The following VSTM4 variants were observed in gnomAD, a reference collection of about 807,000 sequenced individuals.
The protein encoded by VSTM4 is V-set and transmembrane domain-containing protein 4.
Under a neutral mutation model 36.4 loss-of-function variants are expected in VSTM4, and 20 were observed. The ratio of observed to expected loss-of-function variants is 0.55; its 90% confidence interval spans 0.39 to 0.80. The LOEUF is 0.80. VSTM4 is among the 30% of genes least tolerant of loss of function. The pLI, the probability that VSTM4 is intolerant of heterozygous loss-of-function variation, is 0.00. For missense variants in VSTM4, 392 were observed against 404.5 expected (o/e 0.97, Z 0.26); for synonymous variants, 182 against 173.9 (o/e 1.05, Z -0.37).
chr10:49,052,984 T>A (rs561205246), intron 5 of VSTM4, among the ~76,000 whole-genome samples: 2 of 152,344 alleles, frequency 1.3e-5, no homozygotes, highest in East Asian at 3.9e-4. Flanking sequence ...GTTTCTCCCC[T>A]TGAGCCAGCA....
intron 1 of VSTM4, among the ~76,000 whole-genome samples, chr10:49,114,299 A>C (rs1265991072): frequency 1.3e-5 from 2 of 151,330 alleles, no homozygotes; most frequent in African/African-American, 2.4e-5. Flanking sequence ...CTATGGATTA[A>C]TGCTGGCTCA....
intron 7 of VSTM4, among the ~76,000 whole-genome samples, chr10:49,023,242 C>T (rs537506814): frequency 3.3e-5 from 5 of 152,204 alleles, no homozygotes; most frequent in Non-Finnish European, 5.9e-5. Flanking sequence ...TAATATCAGT[C>T]CTTGGCATCT....
chr10:49,064,573 G>T (rs1344962032), intron 5 of VSTM4, 130 bp downstream of exon 5: 7 of 1,047,748 alleles, frequency 6.7e-6, no homozygotes, highest in Admixed American at 4.4e-5. Flanking sequence ...ATACACATTT[G>T]CAGGCATATT....
chr10:49,087,322 T>C (rs1844387100), intron 2 of VSTM4, among the ~76,000 whole-genome samples: 1 of 152,244 alleles, frequency 6.6e-6, no homozygotes, highest in Non-Finnish European at 1.5e-5. Context: ...TTTTAATGTC[T>C]ATGCCTGATA....
chr10:49,042,687 A>C (rs2250146), intron 7 of VSTM4, among the ~76,000 whole-genome samples: 119,803 of 152,178 alleles, frequency 0.79, 48,373 homozygotes, highest in Non-Finnish European at 0.9. Flanking sequence ...CTCAACAGGG[A>C]GGGTGTGCAG....
intron 5 of VSTM4, among the ~76,000 whole-genome samples, chr10:49,056,332 C>G (rs571070424): frequency 3.9e-5 from 6 of 152,266 alleles, no homozygotes; most frequent in African/African-American, 1.4e-4. Context: ...TCAGGAGATA[C>G]TTTAGTGGTG....
intron 4 of VSTM4, among the ~76,000 whole-genome samples, chr10:49,067,922 T>C (rs892045051): frequency 7.2e-5 from 11 of 152,168 alleles, no homozygotes; most frequent in African/African-American, 2.7e-4. Context: ...GGAGTAGTAT[T>C]TCCATATAAC....
At chr10:49,026,659 G>T (rs1255241934) in intron 7 of VSTM4, among the ~76,000 whole-genome samples, 4 of 152,170 alleles carry the variant, frequency 2.6e-5, no homozygotes, top group Non-Finnish European at 4.4e-5. Flanking sequence ...TGGAAAAAGA[G>T]GGCCCAGCTC....
At chr10:49,098,521 C>T (rs1186623151) in intron 2 of VSTM4, among the ~76,000 whole-genome samples, 2 of 152,218 alleles carry the variant, frequency 1.3e-5, no homozygotes, top group Non-Finnish European at 2.9e-5. Context: ...CCCACTTCCT[C>T]CTCCTCTAAT....
chr10:49,040,085 C>T (rs577956867), intron 7 of VSTM4, among the ~76,000 whole-genome samples: 1 of 152,236 alleles, frequency 6.6e-6, no homozygotes, highest in African/African-American at 2.4e-5. Flanking sequence ...TGAGGGAGCA[C>T]TGATATATGG....
chr10:49,102,616 G>C, intron 2 of VSTM4: 1 of 985,288 alleles, frequency 1.0e-6, no homozygotes, highest in Non-Finnish European at 1.2e-6. Context: ...ATGAAAGCTG[G>C]ATGTGGAGCC....
intron 2 of VSTM4, among the ~76,000 whole-genome samples, chr10:49,090,677 G>A (rs1844456897): frequency 6.6e-6 from 1 of 152,204 alleles, no homozygotes; most frequent in Non-Finnish European, 1.5e-5. Context: ...GTGAGCTTCT[G>A]ACCACAGCCC....
At position 49,103,650 on chromosome 10, in the gene VSTM4, C is replaced by T. The variant is rs1002424963; in HGVS notation, c.457+3944G>A. The T allele has an allele frequency of 1.4e-5, 22 of 1,539,762 alleles. No individual in the cohort carries two copies. The East Asian group carries it at 2.0e-4, about 14-fold the overall frequency. ...CGCAAGTCACCCTCCATGTGCTGGG[C>T]GAGGTGTTCATGACAGGGAAATGAG... On this transcript the variant is annotated intron_variant, in intron 2 of 7. Coordinates refer to ENST00000332853, the MANE Select transcript of VSTM4 (RefSeq NM_001031746.5).
At chr10:49,031,052 C>A (rs1843338504) in intron 7 of VSTM4, among the ~76,000 whole-genome samples, 1 of 152,184 alleles carries the variant, frequency 6.6e-6, no homozygotes, top group African/African-American at 2.4e-5. Flanking sequence ...CTGTTACTGG[C>A]AGTACTATTC....
intron 2 of VSTM4, among the ~76,000 whole-genome samples, chr10:49,101,669 T>C (rs1198767137): frequency 6.6e-6 from 1 of 152,244 alleles, no homozygotes; most frequent in Non-Finnish European, 1.5e-5. Context: ...TAAAGTCTTT[T>C]CAGTGATAGC....
chr10:49,025,527 C>T (rs1843247281), intron 7 of VSTM4, among the ~76,000 whole-genome samples: 1 of 152,230 alleles, frequency 6.6e-6, no homozygotes, highest in South Asian at 2.1e-4. Context: ...CCTGGCCCGC[C>T]ATGGCCAGGC....
At chr10:49,092,819 G>C (rs2132009329) in intron 2 of VSTM4, among the ~76,000 whole-genome samples, 1 of 152,322 alleles carries the variant, frequency 6.6e-6, no homozygotes, top group South Asian at 2.1e-4. Flanking sequence ...GACGCAAGCG[G>C]CTTGGTAGTC....
At chr10:49,069,653 G>C (rs12255090) in intron 4 of VSTM4, among the ~76,000 whole-genome samples, 56,831 of 152,098 alleles carry the variant, frequency 0.37, 11,851 homozygotes, top group African/African-American at 0.56. Flanking sequence ...CTCCAGGAAT[G>C]AGTCCTGCCT....
At chr10:49,106,477 T>G (rs886354887) in intron 2 of VSTM4, among the ~76,000 whole-genome samples, 2 of 152,238 alleles carry the variant, frequency 1.3e-5, no homozygotes, top group African/African-American at 4.8e-5. Context: ...AATATGGCAC[T>G]TGGTAGCTGA....
Sources: gnomAD v4.1 joint callset for allele counts (sites outside exome capture counted in the v4.1 genomes callset) on GRCh38, gnomAD v4.1.1 for gene constraint, MANE v1.5 for transcripts, NCBI Gene and HGNC (gene_info 2026-07-23, HGNC 2026-07-21) for gene names.